GNG4: variants seen among roughly 807,000 people sequenced by gnomAD.
GNG4 encodes guanine nucleotide-binding protein G(I)/G(S)/G(O) subunit gamma-4.
Under a neutral mutation model 5.8 loss-of-function variants are expected in GNG4, and 4 were observed. The observed-to-expected ratio is 0.69, with a 90% CI of 0.34 to 1.57. The LOEUF (loss-of-function observed/expected upper bound fraction) is 1.57. Ranked by LOEUF, GNG4 falls within the 40% of genes most tolerant of loss-of-function variation. The pLI is 0.06. For synonymous variants in GNG4, 29 were observed against 32.9 expected (o/e 0.88, Z 0.41); for missense variants, 96 against 95.1 (o/e 1.01, Z -0.04).
chr1:235,551,329 G>A lies in GNG4; in HGVS notation c.*780C>T, dbSNP rs1374676211. The stretch of plus-strand genomic sequence containing the variant: ...GAGGCCGAGGCGGGTGGATCACGAG[G>A]TCAGGAGTTTGAGACCAGCCTGACC... On this transcript the variant is annotated 3_prime_UTR_variant, in exon 4 of 4. Coordinates refer to ENST00000391854, the MANE Select transcript of GNG4 (RefSeq NM_001098722.2). 6.6e-6 allele frequency: 1 copy of A among 152,212 alleles called. No homozygotes were observed. Among genetic ancestry groups the A allele is most frequent in the African/African-American group, 2.4e-5 (1 of 41,442 alleles). The allele number at this position is 152,212 out of a possible 1,614,324, so 9.4% of individuals were successfully genotyped here. A position where few individuals can be genotyped will look rare whatever the true frequency, so the allele number is the denominator to read the frequency against.
intron 2 of GNG4, among the ~76,000 whole-genome samples, chr1:235,593,647 G>C (rs1688043884): frequency 6.6e-6 from 1 of 152,158 alleles, no homozygotes; most frequent in South Asian, 2.1e-4. Flanking sequence ...CTGATGTTCG[G>C]ATATGTTTGG....
intron 3 of GNG4, among the ~76,000 whole-genome samples, chr1:235,576,622 A>G (rs6677838): frequency 2.6e-5 from 4 of 152,020 alleles, no homozygotes; most frequent in Non-Finnish European, 5.9e-5. Flanking sequence ...TTAGCTGCTG[A>G]TAAGAGTTTG....
At chr1:235,597,631 T>TA (rs71174447) in intron 1 of GNG4, among the ~76,000 whole-genome samples, 44,280 of 107,552 alleles carry the variant, frequency 0.41, 9,607 homozygotes, top group Non-Finnish European at 0.49. Context: ...TGTGTGTGTA[T>TA]TTTTTTTTTT....
At chr1:235,554,432 A>G (rs1009080509) in intron 3 of GNG4, among the ~76,000 whole-genome samples, 1 of 152,226 alleles carries the variant, frequency 6.6e-6, no homozygotes, top group Non-Finnish European at 1.5e-5. Flanking sequence ...CTGCCTGGGC[A>G]GCACACACAA....
intron 3 of GNG4, among the ~76,000 whole-genome samples, chr1:235,578,327 G>A (rs1004692553): frequency 2.6e-5 from 4 of 152,160 alleles, no homozygotes; most frequent in Non-Finnish European, 4.4e-5. Flanking sequence ...TGCCATTGGT[G>A]GGAATTAAAT....
intron 2 of GNG4, among the ~76,000 whole-genome samples, chr1:235,594,778 T>G (rs921369939): frequency 1.3e-5 from 2 of 152,050 alleles, no homozygotes; most frequent in Admixed American, 6.5e-5. Flanking sequence ...CACACCTCCC[T>G]GCAAGCTGAG....
At chr1:235,571,812 T>C (rs1687350937) in intron 3 of GNG4, among the ~76,000 whole-genome samples, 1 of 152,180 alleles carries the variant, frequency 6.6e-6, no homozygotes, top group South Asian at 2.1e-4. Context: ...GCTCCTAGGC[T>C]ACAAACTTTT....
chr1:235,649,455 G>A lies in GNG4; in HGVS notation c.-123+207C>T, dbSNP rs906765411. Among the ~76,000 whole-genome samples the A allele has an allele frequency of 2.3e-4, 35 of 152,032 alleles. No homozygotes were observed. Among genetic ancestry groups the A allele is most frequent in the African/African-American group, 8.2e-4 (34 of 41,472 alleles). On this transcript the variant is annotated intron_variant, in intron 1 of 3. Transcript: ENST00000391854. This position sits in a 1 kb window ranked among gnomAD's most constrained non-coding sequence, Gnocchi z 5.7. ...CCGCGCGCGGGCTTCCCCGGGGCCC[G>A]GCGGGAGGTCCCGGGAGAGGAGGCC...
chr1:235,588,020 G>C (rs896464017), intron 2 of GNG4, among the ~76,000 whole-genome samples: 1 of 151,836 alleles, frequency 6.6e-6, no homozygotes, highest in Non-Finnish European at 1.5e-5. Flanking sequence ...CCGACTCTCA[G>C]TCCCGTCAGG....
intron 1 of GNG4, among the ~76,000 whole-genome samples, chr1:235,597,688 C>T (rs1336188798): frequency 1.4e-5 from 2 of 141,330 alleles, no homozygotes; most frequent in African/African-American, 2.7e-5. Flanking sequence ...TGCAATGGTG[C>T]GATCTCAGCT....
At chr1:235,601,999 C>T (rs567225644) in intron 1 of GNG4, among the ~76,000 whole-genome samples, 1 of 152,284 alleles carries the variant, frequency 6.6e-6, no homozygotes, top group East Asian at 1.9e-4. Context: ...GGGCCAGGCA[C>T]AGTGGCTCAC....
At chr1:235,569,278 G>T (rs1687276298) in intron 3 of GNG4, among the ~76,000 whole-genome samples, 1 of 152,134 alleles carries the variant, frequency 6.6e-6, no homozygotes. Context: ...GGGAGGCCAA[G>T]GCGAGTGGAT....
chr1:235,565,140 C>G (rs187942986), intron 3 of GNG4, among the ~76,000 whole-genome samples: 2 of 152,170 alleles, frequency 1.3e-5, no homozygotes, highest in African/African-American at 2.4e-5. Context: ...GGAGACCACT[C>G]GGGCCATGGT....
chr1:235,583,786 T>C lies in GNG4; in HGVS notation c.53A>G (p.Lys18Arg). Reference protein sequence around the residue: ...NSTTSISQARKAVEQLKMEAC... With the variant: ...NSTTSISQARRAVEQLKMEAC... ...TTCCATCTTTAGCTGCTCCACAGCT[T>C]TCCTGGCTTGGGAGATGCTAGTGGT... The change falls in exon 3 of 4, where the codon AAA becomes AGA. Residue 18 changes from lysine to arginine, a missense_variant. By Grantham distance (26) the Lys-to-Arg change is conservative. Transcript: ENST00000391854. 1 of 1,614,002 alleles carries C rather than the reference T, an allele frequency of 6.2e-7. No homozygotes were observed. Among genetic ancestry groups the C allele is most frequent in the South Asian group, 1.1e-5 (1 of 91,066 alleles).
chr1:235,585,880 G>A (rs1041915323), intron 2 of GNG4, among the ~76,000 whole-genome samples: 5 of 152,136 alleles, frequency 3.3e-5, no homozygotes, highest in African/African-American at 9.7e-5. Flanking sequence ...CTATTCTTAA[G>A]TAATAAATTA....
chr1:235,564,603 C>G (rs1687147256), intron 3 of GNG4, among the ~76,000 whole-genome samples: 2 of 152,166 alleles, frequency 1.3e-5, no homozygotes, highest in Non-Finnish European at 2.9e-5. Context: ...TCATAGTCTA[C>G]TACTGACAAA....
At chr1:235,584,827 G>A (rs573804899) in intron 2 of GNG4, among the ~76,000 whole-genome samples, 2 of 152,288 alleles carry the variant, frequency 1.3e-5, no homozygotes, top group East Asian at 1.9e-4. Flanking sequence ...GTGGGAAGAG[G>A]CCCTGGCCAC....
intron 2 of GNG4, among the ~76,000 whole-genome samples, chr1:235,588,585 C>T (rs972010494): frequency 6.6e-6 from 1 of 151,948 alleles, no homozygotes; most frequent in Non-Finnish European, 1.5e-5. Flanking sequence ...CTGCTCAGCG[C>T]TGCTGGAGAG....
chr1:235,552,264 C>T (rs755963607), intron 3 of GNG4, 27 bp from the exon 4 acceptor site: 15 of 1,610,200 alleles, frequency 9.3e-6, no homozygotes, highest in Middle Eastern at 1.7e-4. Flanking sequence ...CACAGGTGCT[C>T]AGTTAAAGGC....
Sources: allele counts gnomAD v4.1 joint callset (sites outside exome capture counted in the v4.1 genomes callset), GRCh38; gene constraint gnomAD v4.1.1; non-coding constraint Gnocchi (gnomAD v3.1); transcripts MANE v1.5; gene names NCBI Gene and HGNC (gene_info 2026-07-23, HGNC 2026-07-21).